The following CSMD1 variants were observed in gnomAD, a reference collection of about 807,000 sequenced individuals.
The protein encoded by CSMD1 is CUB and Sushi multiple domains 1, also known as CUB and sushi domain-containing protein 1.
CSMD1 carries 213 observed loss-of-function variants against 417.5 expected under a neutral mutation model. The observed-to-expected ratio is 0.51, with a 90% CI of 0.46 to 0.57. The LOEUF is 0.57. CSMD1 is among the 20% of genes least tolerant of loss of function. The pLI is 0.00. For missense variants in CSMD1, 6,923 were observed against 4,529.7 expected, an observed-to-expected ratio of 1.53 and a Z score of -15.17; for synonymous variants, 2,862 against 1,736.8, an observed-to-expected ratio of 1.65 and a Z score of -16.11.
chr8:4,002,238 CGTGTGTTTGTGTGTATGT>C (rs1007712044), intron 4 of CSMD1, among the ~76,000 whole-genome samples: 1 of 151,774 alleles, frequency 6.6e-6, no homozygotes, highest in South Asian at 2.1e-4. Flanking sequence ...CATGTGTGTG[CGTGTGTTTGTGTGTATGT>C]GTGTGTTTGT....
At chr8:3,506,287 G>C in intron 10 of CSMD1, among the ~76,000 whole-genome samples, 1 of 152,188 alleles carries the variant, frequency 6.6e-6, no homozygotes, top group East Asian at 1.9e-4. Flanking sequence ...CACTACTTAA[G>C]TGCCTCAGAT....
At chr8:3,613,859 T>C (rs1300120099) in intron 8 of CSMD1, among the ~76,000 whole-genome samples, 3 of 152,028 alleles carry the variant, frequency 2.0e-5, no homozygotes, top group African/African-American at 7.2e-5. Context: ...AGCTCAGGAA[T>C]AAAGGCAGAG....
At chr8:4,043,671 C>T (rs2740909) in intron 3 of CSMD1, among the ~76,000 whole-genome samples, 137,842 of 152,250 alleles carry the variant, frequency 0.91, 62,551 homozygotes, top group East Asian at 0.99. Context: ...TGGGTGAAAC[C>T]ATACATTTAT....
intron 3 of CSMD1, among the ~76,000 whole-genome samples, chr8:4,179,810 A>G (rs1798254844): frequency 1.3e-5 from 2 of 152,232 alleles, no homozygotes; most frequent in Non-Finnish European, 2.9e-5. Context: ...TTATGCAGCC[A>G]AAAGACACAT....
chr8:4,225,912 C>T (rs992357567), intron 3 of CSMD1, among the ~76,000 whole-genome samples: 14 of 152,088 alleles, frequency 9.2e-5, no homozygotes, highest in African/African-American at 3.1e-4. Context: ...TTATAATTGT[C>T]TAATAATTTC....
intron 26 of CSMD1, among the ~76,000 whole-genome samples, chr8:3,236,778 G>C (rs904777014): frequency 5.9e-5 from 9 of 152,072 alleles, no homozygotes; most frequent in Non-Finnish European, 8.8e-5. Context: ...GACTCTGAAG[G>C]TTTCTAGTTT....
At chr8:3,115,228 T>C (rs1816794998) in intron 42 of CSMD1, among the ~76,000 whole-genome samples, 1 of 130,836 alleles carries the variant, frequency 7.6e-6, no homozygotes, top group Non-Finnish European at 1.6e-5. Context: ...TGAGATGGAG[T>C]TTTGCTCTTG....
intron 5 of CSMD1, among the ~76,000 whole-genome samples, chr8:3,949,044 T>G (rs1811429723): frequency 6.6e-6 from 1 of 152,198 alleles, no homozygotes. Flanking sequence ...TTCATGAGTG[T>G]GATATTACTG....
At chr8:3,826,236 G>A (rs1044036469) in intron 5 of CSMD1, among the ~76,000 whole-genome samples, 5 of 152,100 alleles carry the variant, frequency 3.3e-5, no homozygotes, top group Non-Finnish European at 5.9e-5. Flanking sequence ...AAGATGAAGT[G>A]ATGCATCTGG....
At chr8:4,474,803 G>A (rs1800713047) in intron 2 of CSMD1, among the ~76,000 whole-genome samples, 1 of 152,128 alleles carries the variant, frequency 6.6e-6, no homozygotes, top group African/African-American at 2.4e-5. Context: ...CCATGAGGAG[G>A]AAGAATTTTG....
intron 36 of CSMD1, among the ~76,000 whole-genome samples, chr8:3,185,736 C>T (rs967645898): frequency 5.9e-5 from 9 of 152,184 alleles, no homozygotes; most frequent in African/African-American, 2.2e-4. Context: ...CACATACTTT[C>T]TAAGCAGGTT....
At chr8:3,005,332 G>C (rs1417964409) in intron 52 of CSMD1, among the ~76,000 whole-genome samples, 1 of 152,068 alleles carries the variant, frequency 6.6e-6, no homozygotes, top group African/African-American at 2.4e-5. Flanking sequence ...TCTGATGAAA[G>C]CTTTGTTACT....
intron 6 of CSMD1, among the ~76,000 whole-genome samples, chr8:3,709,189 G>C (rs190401029): frequency 1.6e-3 from 231 of 147,736 alleles, no homozygotes; most frequent in African/African-American, 5.5e-3. Flanking sequence ...AAAAAAATGG[G>C]GGATGCATCT....
At chr8:3,658,638 T>C (rs956731531) in intron 7 of CSMD1, among the ~76,000 whole-genome samples, 3 of 151,378 alleles carry the variant, frequency 2.0e-5, no homozygotes, top group Admixed American at 1.3e-4. Flanking sequence ...CAAAAATCAG[T>C]TGGGCGTGGT....
intron 2 of CSMD1, among the ~76,000 whole-genome samples, chr8:4,545,068 ATG>A (rs1158103665): frequency 6.6e-6 from 1 of 150,916 alleles, no homozygotes; most frequent in African/African-American, 2.5e-5. Flanking sequence ...GTGCACACAT[ATG>A]TGTGTATGAT....
chr8:4,203,699 C>T (rs1585016863), intron 3 of CSMD1, among the ~76,000 whole-genome samples: 1 of 152,092 alleles, frequency 6.6e-6, no homozygotes, highest in African/African-American at 2.4e-5. Flanking sequence ...CACACACACA[C>T]AAACATACAC....
intron 2 of CSMD1, among the ~76,000 whole-genome samples, chr8:4,592,595 C>A (rs1471546898): frequency 2.0e-5 from 3 of 152,038 alleles, no homozygotes; most frequent in African/African-American, 7.2e-5. Flanking sequence ...CCATGTTGGC[C>A]AGGCTGGTCT....
chr8:3,186,924 T>A (rs937041430), intron 36 of CSMD1, among the ~76,000 whole-genome samples: 2 of 152,226 alleles, frequency 1.3e-5, no homozygotes, highest in Non-Finnish European at 2.9e-5. Flanking sequence ...GTAATTTTAG[T>A]AGAGACAGGG....
At chr8:4,167,076 G>C (rs1031214094) in intron 3 of CSMD1, among the ~76,000 whole-genome samples, 3 of 152,062 alleles carry the variant, frequency 2.0e-5, no homozygotes, top group African/African-American at 2.4e-5. Context: ...AAAAAACTTA[G>C]AATATCTGTA....
Sources: allele counts gnomAD v4.1 joint callset (sites outside exome capture counted in the v4.1 genomes callset), GRCh38; gene constraint gnomAD v4.1.1; transcripts MANE v1.5; gene names NCBI Gene and HGNC (gene_info 2026-07-23, HGNC 2026-07-21).